The following MYCBP2 variants were observed in gnomAD, a reference collection of about 807,000 sequenced individuals.
MYCBP2 encodes the protein E3 ubiquitin-protein ligase MYCBP2.
A neutral mutation model predicts 525.3 loss-of-function variants in MYCBP2; 120 were observed. That is an observed-to-expected ratio of 0.23 (90% CI 0.20 to 0.27). MYCBP2 has a LOEUF of 0.27. Ranked by LOEUF, MYCBP2 falls within the 10% of genes least tolerant of loss-of-function variation. MYCBP2 has a pLI of 1.00. For synonymous variants in MYCBP2, 1,894 were observed against 1,955.8 expected (o/e 0.97, Z 0.83); for missense variants, 4,149 against 5,657.1 (o/e 0.73, Z 8.55).
In MYCBP2 at chr13:77,294,131, C is replaced by CATATATATATATATATATATATATAT; in HGVS notation, c.378+2467_378+2468insATATATATATATATATATATATATAT. Among the ~76,000 whole-genome samples the CATATATATATATATATATATATATAT allele has an allele frequency of 8.5e-4, 56 of 65,684 alleles. 1 individual carries two copies. Among genetic ancestry groups the CATATATATATATATATATATATATAT allele is most frequent in the Non-Finnish European group, 1.6e-3 (52 of 33,382 alleles). The allele number at this position is 65,684 out of a possible 152,430, so 43.1% of individuals were successfully genotyped here. A position where few individuals can be genotyped will look rare whatever the true frequency, so the allele number is the denominator to read the frequency against. On this transcript the variant is annotated intron_variant, in intron 2 of 82. Transcript: ENST00000544440. ...ATATATATATATATATATATATATA[C>CATATATATATATATATATATATATAT]ATATATATATACATATATATAAAAT...
chr13:77,148,545 T>C (rs1348941784), intron 47 of MYCBP2, among the ~76,000 whole-genome samples: 1 of 152,054 alleles, frequency 6.6e-6, no homozygotes, highest in Admixed American at 6.5e-5. Flanking sequence ...CTAAATTAGG[T>C]TCCACTGTCC....
At position 77,140,929 on chromosome 13, in the gene MYCBP2, C is replaced by T. The variant is rs752351188; in HGVS notation, c.7318G>A (p.Val2440Ile). 2 of 1,606,978 alleles carry T rather than the reference C, an allele frequency of 1.2e-6. No individual in the cohort carries two copies. The highest frequency in any genetic ancestry group is 1.7e-6 in the Non-Finnish European group (2 of 1,178,162). Residue 2440 changes from valine to isoleucine, a missense_variant, in exon 50 of 83, where the codon GTA (valine) becomes ATA (isoleucine). Physicochemically the swap from Val to Ile is conservative, Grantham distance 29. Transcript: ENST00000544440. ...DGIEIDAGLE[V>I]KVKDPPKGMI... ...CCTTTTGGTGGGTCTTTTACTTTTACTTCCAGACCAGCATCTGTCAGAAAA... is the reference window on the plus strand; with the variant it reads ...CCTTTTGGTGGGTCTTTTACTTTTATTTCCAGACCAGCATCTGTCAGAAAA...
At chr13:77,119,575 T>C (rs1436422194) in intron 55 of MYCBP2, among the ~76,000 whole-genome samples, 3 of 152,162 alleles carry the variant, frequency 2.0e-5, no homozygotes, top group African/African-American at 7.2e-5. Flanking sequence ...AGCTCTTCGA[T>C]CTTGGACAGT....
intron 52 of MYCBP2, 106 bp from the exon 53 acceptor site, chr13:77,126,648 T>C (rs965975682): frequency 3.6e-5 from 26 of 730,628 alleles, no homozygotes; most frequent in Non-Finnish European, 5.4e-5. Flanking sequence ...ACTGTCAATA[T>C]AAAAAAAACA....
chr13:77,131,734 A>T (rs1461537594), intron 52 of MYCBP2, among the ~76,000 whole-genome samples: 4 of 152,172 alleles, frequency 2.6e-5, no homozygotes, highest in African/African-American at 9.7e-5. Flanking sequence ...TATATATAAA[A>T]TAACATTTCA....
chr13:77,164,379 T>G (rs1396101737), intron 43 of MYCBP2, 75 bp downstream of exon 43: 9 of 903,736 alleles, frequency 1.0e-5, no homozygotes, highest in Non-Finnish European at 1.6e-5. Flanking sequence ...TGCAAATCTA[T>G]TTTTGGCCCT....
intron 58 of MYCBP2, among the ~76,000 whole-genome samples, chr13:77,094,476 C>A (rs570559788): frequency 6.6e-6 from 1 of 152,116 alleles, no homozygotes; most frequent in South Asian, 2.1e-4. Flanking sequence ...AAAATTCTTC[C>A]ACTGTTTCCT....
chr13:77,100,474 C>A (rs1323169197), intron 55 of MYCBP2: 1 of 151,964 alleles, frequency 6.6e-6, no homozygotes, highest in African/African-American at 2.4e-5. Flanking sequence ...CTGCTACTCC[C>A]AAGTATTCAG....
At chr13:77,299,955 A>G (rs1207946173) in intron 1 of MYCBP2, among the ~76,000 whole-genome samples, 1 of 152,220 alleles carries the variant, frequency 6.6e-6, no homozygotes, top group Admixed American at 6.5e-5. Context: ...TACTTCTGCA[A>G]TATAAGAACA....
At chr13:77,294,111 T>TATAG (rs2077813873) in intron 2 of MYCBP2, among the ~76,000 whole-genome samples, 1 of 54,470 alleles carries the variant, frequency 1.8e-5, no homozygotes, top group Non-Finnish European at 4.8e-5. Flanking sequence ...TGGCTATATA[T>TATAG]ATATATATAT....
chr13:77,322,124 G>C (rs1393215588), intron 1 of MYCBP2, among the ~76,000 whole-genome samples: 1 of 152,156 alleles, frequency 6.6e-6, no homozygotes, highest in Non-Finnish European at 1.5e-5. Flanking sequence ...TCACACCATT[G>C]CACTCCAGCC....
intron 1 of MYCBP2, among the ~76,000 whole-genome samples, chr13:77,298,553 G>C (rs2078438321): frequency 6.6e-6 from 1 of 152,188 alleles, no homozygotes; most frequent in Non-Finnish European, 1.5e-5. Context: ...AAGTATAAGA[G>C]AAAGAGTGAG....
chr13:77,170,822 T>G (rs76980261), intron 38 of MYCBP2, among the ~76,000 whole-genome samples: 10,706 of 151,942 alleles, frequency 0.07, 589 homozygotes, highest in African/African-American at 0.15. Context: ...TGATCTGCCT[T>G]CCTCGGCCTC....
At chr13:77,097,217 A>G (rs2046397429) in intron 56 of MYCBP2, among the ~76,000 whole-genome samples, 153 bp downstream of exon 56, 1 of 152,184 alleles carries the variant, frequency 6.6e-6, no homozygotes, top group Admixed American at 6.6e-5. Context: ...TGTTTTTCAC[A>G]AAACCCTGTA....
At position 77,129,548 on chromosome 13, in the gene MYCBP2, T is replaced by C. The variant is rs78774979; in HGVS notation, c.7660-3006A>G. 1.9e-3 allele frequency: 352 copies of C among 184,596 alleles called. 2 individuals are homozygous for C. Among genetic ancestry groups the C allele is most frequent in the African/African-American group, 5.5e-3 (235 of 42,944 alleles). 11.4% of individuals were successfully genotyped at this position (184,596 alleles called of 1,614,324 possible). A position where few individuals can be genotyped will look rare whatever the true frequency, so the allele number is the denominator to read the frequency against. ...AACCTTAAAATTCTTTAAATGAGGA[T>C]GTATTTGTTCTAATACAAGCCAGAT... is the stretch of plus-strand genomic sequence containing the variant. On this transcript the variant is annotated intron_variant, in intron 52 of 82. Transcript: ENST00000544440.
chr13:77,053,697 C>T (rs1453239904), intron 80 of MYCBP2, among the ~76,000 whole-genome samples: 1 of 152,186 alleles, frequency 6.6e-6, no homozygotes, highest in Non-Finnish European at 1.5e-5. Flanking sequence ...ACAATACAAG[C>T]TTCATAAATG....
intron 3 of MYCBP2, 25 bp from the exon 4 acceptor site, chr13:77,278,936 T>C (rs2075905473): frequency 6.6e-7 from 1 of 1,508,618 alleles, no homozygotes; most frequent in South Asian, 1.3e-5. Flanking sequence ...AAAATATATA[T>C]ACTTTATGAC....
intron 13 of MYCBP2, among the ~76,000 whole-genome samples, chr13:77,259,014 G>A (rs746768751): frequency 6.6e-6 from 1 of 152,200 alleles, no homozygotes; most frequent in Non-Finnish European, 1.5e-5. Flanking sequence ...CAGCACTTGA[G>A]GAGGCTGAGG....
At chr13:77,061,008 T>A (rs2039193893) in intron 76 of MYCBP2, among the ~76,000 whole-genome samples, 161 bp downstream of exon 76, 4 of 152,174 alleles carry the variant, frequency 2.6e-5, no homozygotes, top group Non-Finnish European at 4.4e-5. Context: ...AATGCTCTCT[T>A]CACCATAGAA....
Sources: gnomAD v4.1 joint callset for allele counts (sites outside exome capture counted in the v4.1 genomes callset) on GRCh38, gnomAD v4.1.1 for gene constraint, MANE v1.5 for transcripts, NCBI Gene and HGNC (gene_info 2026-07-23, HGNC 2026-07-21) for gene names.